Variants in FLT3 observed in about 807,000 individuals in gnomAD.
FLT3 encodes the protein receptor-type tyrosine-protein kinase FLT3.
FLT3 carries 46 observed loss-of-function variants against 126.6 expected under a neutral mutation model. That is an observed-to-expected ratio of 0.36 (90% CI 0.29 to 0.46). The LOEUF is 0.46. Among genes scored for constraint, FLT3 ranks in the 20% least tolerant of loss-of-function variants. The probability of loss-of-function intolerance (pLI) is 1.00; values close to 1 mark genes in which losing one functional copy is unlikely to be tolerated. For missense variants in FLT3, 1,069 were observed against 1,190.3 expected, an observed-to-expected ratio of 0.90 and a Z score of 1.50; for synonymous variants, 404 against 434.4, an observed-to-expected ratio of 0.93 and a Z score of 0.87.
Position 28,048,451 on chromosome 13 carries a change from A to G in FLT3, c.1037-8T>C. On this transcript the variant is annotated splice_polypyrimidine_tract_variant and splice_region_variant and intron_variant, in intron 8 of 23. Transcript: ENST00000241453. ...CATTTATAAATCCCTTTTCTGTAAG[A>G]AAAAATAGGCATTTATGAGTTAGTT... The G allele has an allele frequency of 6.4e-7, 1 of 1,554,278 alleles. No homozygotes were observed. Among genetic ancestry groups the G allele is most frequent in the Non-Finnish European group, 8.9e-7 (1 of 1,129,094 alleles).
intron 2 of FLT3, among the ~76,000 whole-genome samples, chr13:28,063,148 C>G (rs1876719630): frequency 6.6e-6 from 1 of 152,036 alleles, no homozygotes; most frequent in Non-Finnish European, 1.5e-5. Flanking sequence ...TCCCCATAGC[C>G]ACACTGCCAC....
chr13:28,037,610 G>A (rs1236364662), intron 9 of FLT3, among the ~76,000 whole-genome samples: 1 of 152,142 alleles, frequency 6.6e-6, no homozygotes, highest in South Asian at 2.1e-4. Flanking sequence ...GGGATTGGCC[G>A]AAGATTCTCA....
chr13:28,018,391 G>C lies in FLT3; in HGVS notation c.2541+76C>G, dbSNP rs1169333013. On this transcript the variant is annotated intron_variant, in intron 20 of 23. Transcript: ENST00000241453. Reference sequence around the variant, plus strand: ...CCATAAATCAAAAATGCACCACAGTGAGTGCAGTTGTTTACCATGATAACG... The same window carrying C: ...CCATAAATCAAAAATGCACCACAGTCAGTGCAGTTGTTTACCATGATAACG... 6 of 1,511,432 alleles carry C rather than the reference G, an allele frequency of 4.0e-6. No homozygotes were observed. In the African/African-American group the frequency reaches 5.5e-5, roughly 14 times the overall value. 93.6% of individuals were successfully genotyped at this position (1,511,432 alleles called of 1,614,324 possible).
chr13:28,031,089 G>T (rs1021769464), intron 15 of FLT3, among the ~76,000 whole-genome samples: 1 of 151,964 alleles, frequency 6.6e-6, no homozygotes, highest in Non-Finnish European at 1.5e-5. Context: ...TTAGCCGGGC[G>T]TGGTGGTGGG....
intron 9 of FLT3, among the ~76,000 whole-genome samples, chr13:28,038,851 C>A (rs1874084073): frequency 6.6e-6 from 1 of 152,154 alleles, no homozygotes; most frequent in East Asian, 1.9e-4. Flanking sequence ...GTGGAGGATG[C>A]AAAAGACCTA....
At chr13:28,025,845 G>A in intron 17 of FLT3, among the ~76,000 whole-genome samples, 1 of 152,166 alleles carries the variant, frequency 6.6e-6, no homozygotes. Context: ...CGTGCATGGG[G>A]ATCTCCGTGG....
At chr13:28,069,514 T>G (rs537594818) in intron 2 of FLT3, among the ~76,000 whole-genome samples, 13 of 152,200 alleles carry the variant, frequency 8.5e-5, no homozygotes, top group African/African-American at 3.1e-4. Context: ...ACCTATATAC[T>G]GGGGGCAGCT....
chr13:28,070,387 A>T (rs1274792580), intron 2 of FLT3, 104 bp downstream of exon 2: 2 of 910,396 alleles, frequency 2.2e-6, no homozygotes, highest in Non-Finnish European at 3.4e-6. Context: ...AATATACTTA[A>T]ATACATAAAG....
intron 15 of FLT3, among the ~76,000 whole-genome samples, chr13:28,032,274 G>A (rs1330185053): frequency 6.6e-6 from 1 of 152,176 alleles, no homozygotes; most frequent in Admixed American, 6.5e-5. Context: ...GCTCCGAAAG[G>A]AGACGCAAGC....
At chr13:28,096,882 T>C (rs1879488224) in intron 1 of FLT3, among the ~76,000 whole-genome samples, 1 of 152,168 alleles carries the variant, frequency 6.6e-6, no homozygotes, top group African/African-American at 2.4e-5. Flanking sequence ...ATACACAAGT[T>C]CCCCTACCTC....
At chr13:28,094,674 A>T (rs9579158) in intron 1 of FLT3, among the ~76,000 whole-genome samples, 1 of 152,008 alleles carries the variant, frequency 6.6e-6, no homozygotes, top group Non-Finnish European at 1.5e-5. Context: ...TAATTTTTAA[A>T]TTTTTTTGTA....
chr13:28,099,167 A>G (rs1261699396), intron 1 of FLT3, among the ~76,000 whole-genome samples: 1 of 152,222 alleles, frequency 6.6e-6, no homozygotes, highest in African/African-American at 2.4e-5. Flanking sequence ...AATTCCATGC[A>G]GCTTAAATAT....
rs989428851 is a variant in FLT3 at position 28,023,347 on chromosome 13, T to C, written c.2418+3A>G. The C allele has an allele frequency of 5.6e-6, 9 of 1,611,474 alleles. No individual in the cohort carries two copies. The highest frequency in any genetic ancestry group is 7.6e-6 in the Non-Finnish European group (9 of 1,179,352). On this transcript the variant is annotated splice_donor_region_variant and intron_variant, in intron 19 of 23. Coordinates refer to ENST00000241453, the MANE Select transcript of FLT3 (RefSeq NM_004119.3). ...GTTTGTTTTTTCTTTAAAAGGAGCA[T>C]ACCGACTTAAATTCCAGAAATTCCA...
At chr13:28,048,737 T>A (rs780043188) in intron 8 of FLT3, among the ~76,000 whole-genome samples, 19 of 152,214 alleles carry the variant, frequency 1.2e-4, no homozygotes, top group Admixed American at 3.9e-4. Context: ...AGCACCACTC[T>A]TCCATTGATG....
rs547724908 is a variant in FLT3 at position 28,086,995 on chromosome 13, A to G, written c.43+13473T>C. ...TTCCTATTGTGCCAGTCTGGTAGTGATTGTTTCTTTCAGTTTTTGTACATC... is the reference window on the plus strand; with the variant it reads ...TTCCTATTGTGCCAGTCTGGTAGTGGTTGTTTCTTTCAGTTTTTGTACATC... On this transcript the variant is annotated intron_variant, in intron 1 of 23. Coordinates refer to ENST00000241453, the MANE Select transcript of FLT3 (RefSeq NM_004119.3). Among the ~76,000 whole-genome samples, 4 of 152,088 alleles carry G rather than the reference A, an allele frequency of 2.6e-5. No individual in the cohort carries two copies. In the East Asian group the frequency reaches 7.7e-4, roughly 29 times the overall value.
At chr13:28,038,718 G>A (rs555755595) in intron 9 of FLT3, among the ~76,000 whole-genome samples, 28 of 152,202 alleles carry the variant, frequency 1.8e-4, no homozygotes, top group African/African-American at 4.6e-4. Flanking sequence ...CTCCCAAAGC[G>A]CTGGGATTAC....
intron 1 of FLT3, among the ~76,000 whole-genome samples, chr13:28,085,038 T>C (rs1004862279): frequency 6.7e-6 from 1 of 149,146 alleles, no homozygotes; most frequent in Non-Finnish European, 1.5e-5. Flanking sequence ...TTTACCTTGG[T>C]AAGTGTGCAC....
intron 2 of FLT3, among the ~76,000 whole-genome samples, chr13:28,063,296 T>C (rs1876732536): frequency 6.6e-6 from 1 of 152,066 alleles, no homozygotes; most frequent in Non-Finnish European, 1.5e-5. Context: ...CTGGCCAACA[T>C]GGTGAAACCC....
At chr13:28,061,675 G>A (rs1479299884) in intron 3 of FLT3, among the ~76,000 whole-genome samples, 192 bp downstream of exon 3, 2 of 151,888 alleles carry the variant, frequency 1.3e-5, no homozygotes, top group African/African-American at 4.8e-5. Context: ...GAGGACTGGG[G>A]TGGGGGGATT....
Sources: allele counts gnomAD v4.1 joint callset (sites outside exome capture counted in the v4.1 genomes callset), GRCh38; gene constraint gnomAD v4.1.1; transcripts MANE v1.5; gene names NCBI Gene and HGNC (gene_info 2026-07-23, HGNC 2026-07-21).